The following GPATCH2 variants were observed in gnomAD, a reference collection of about 807,000 sequenced individuals.
The protein encoded by GPATCH2 is G patch domain-containing protein 2.
In GPATCH2, 51 loss-of-function variants were observed where a neutral mutation model predicts 58.0. The ratio of observed to expected loss-of-function variants is 0.88; its 90% CI spans 0.70 to 1.11. The LOEUF is 1.11. Among genes scored for constraint, GPATCH2 ranks in the 50% most tolerant of loss-of-function variants. GPATCH2 has a pLI of 0.00. For missense variants in GPATCH2, 625 were observed against 652.2 expected (o/e 0.96, Z 0.45); for synonymous variants, 222 against 218.5 (o/e 1.02, Z -0.14).
chr1:217,507,103 C>T (rs1662600782), intron 6 of GPATCH2, among the ~76,000 whole-genome samples: 2 of 152,098 alleles, frequency 1.3e-5, no homozygotes, highest in African/African-American at 2.4e-5. Context: ...ACTGTACACC[C>T]GGCACCTAGT....
At chr1:217,578,479 T>C (rs1196713794) in intron 5 of GPATCH2, among the ~76,000 whole-genome samples, 1 of 152,184 alleles carries the variant, frequency 6.6e-6, no homozygotes, top group Non-Finnish European at 1.5e-5. Context: ...CCTGAACTCC[T>C]GGATTCAAGC....
intron 5 of GPATCH2, among the ~76,000 whole-genome samples, chr1:217,596,344 T>G (rs1667827333): frequency 6.6e-6 from 1 of 152,200 alleles, no homozygotes. Context: ...CAAGGAATTC[T>G]GTATAGCTTG....
intron 8 of GPATCH2, among the ~76,000 whole-genome samples, chr1:217,488,055 TA>T (rs575478374): frequency 8.6e-4 from 127 of 147,920 alleles, no homozygotes; most frequent in African/African-American, 1.9e-3. Flanking sequence ...CTGTAACCTT[TA>T]AAAAAAAAAA....
At chr1:217,625,584 A>G (rs1208278808) in intron 1 of GPATCH2, among the ~76,000 whole-genome samples, 2 of 152,200 alleles carry the variant, frequency 1.3e-5, no homozygotes, top group Admixed American at 1.3e-4. Context: ...TAAAGTATAT[A>G]TAGAAAAGTT....
chr1:217,565,016 C>T (rs1395926105), intron 5 of GPATCH2, among the ~76,000 whole-genome samples: 3 of 152,100 alleles, frequency 2.0e-5, no homozygotes, highest in Admixed American at 2.0e-4. Context: ...CAGTGCTGAG[C>T]ACAAAAAACA....
rs1026011741 is a variant in GPATCH2 at position 217,451,352 on chromosome 1, G to C, written c.1278-2015C>G. 5.3e-5 allele frequency among the ~76,000 whole-genome samples: 8 copies of C among 152,190 alleles called. No individual in the cohort carries two copies. The East Asian group carries it at 1.5e-3, about 29-fold the overall frequency. On this transcript the variant is annotated intron_variant, in intron 8 of 9. Coordinates refer to ENST00000366935, the MANE Select transcript of GPATCH2 (RefSeq NM_018040.5). ...ACCTTGTAGCTAACCGAAAGCAATG[G>C]GAAATACTTCTTAACTACAGAAACA...
intron 5 of GPATCH2, among the ~76,000 whole-genome samples, chr1:217,606,541 T>C (rs1044357415): frequency 6.6e-6 from 1 of 152,024 alleles, no homozygotes; most frequent in African/African-American, 2.4e-5. Flanking sequence ...AGGAGTTTGA[T>C]ACCAGCCTGG....
At chr1:217,445,033 G>T (rs572540490) in intron 9 of GPATCH2, among the ~76,000 whole-genome samples, 3 of 151,986 alleles carry the variant, frequency 2.0e-5, no homozygotes, top group Non-Finnish European at 4.4e-5. Flanking sequence ...TCAGTAGGAC[G>T]TGGAGAAAAA....
At chr1:217,458,339 C>T (rs958775981) in intron 8 of GPATCH2, among the ~76,000 whole-genome samples, 2 of 152,196 alleles carry the variant, frequency 1.3e-5, no homozygotes, top group African/African-American at 2.4e-5. Context: ...AAGAAATACA[C>T]GACACCATAT....
At chr1:217,442,604 T>C (rs1659196456) in intron 9 of GPATCH2, among the ~76,000 whole-genome samples, 1 of 151,496 alleles carries the variant, frequency 6.6e-6, no homozygotes, top group South Asian at 2.1e-4. Context: ...GGTAAAAGTA[T>C]AAATCTAAAC....
chr1:217,524,429 C>G (rs1299776190), intron 5 of GPATCH2, among the ~76,000 whole-genome samples: 1 of 151,438 alleles, frequency 6.6e-6, no homozygotes, highest in African/African-American at 2.4e-5. Flanking sequence ...GGCGGCCAGG[C>G]AGAGACGCTC....
intron 1 of GPATCH2, among the ~76,000 whole-genome samples, chr1:217,621,075 C>T (rs574136952): frequency 1.3e-5 from 2 of 152,326 alleles, no homozygotes; most frequent in South Asian, 4.1e-4. Context: ...CAGTGAAGCA[C>T]AAACTACATT....
At chr1:217,473,521 A>C (rs1481290641) in intron 8 of GPATCH2, among the ~76,000 whole-genome samples, 1 of 152,214 alleles carries the variant, frequency 6.6e-6, no homozygotes, top group Non-Finnish European at 1.5e-5. Flanking sequence ...AGGTACATGA[A>C]AATGACAGAA....
intron 5 of GPATCH2, among the ~76,000 whole-genome samples, chr1:217,521,957 GT>G (rs1663484010): frequency 6.6e-6 from 1 of 152,126 alleles, no homozygotes; most frequent in Non-Finnish European, 1.5e-5. Flanking sequence ...ATAGACTTCA[GT>G]TAGTTTCGAA....
At chr1:217,589,441 A>G (rs1667492166) in intron 5 of GPATCH2, among the ~76,000 whole-genome samples, 1 of 152,206 alleles carries the variant, frequency 6.6e-6, no homozygotes, top group African/African-American at 2.4e-5. Flanking sequence ...ATCTCCTAGA[A>G]AAGTAATTCC....
At chr1:217,531,204 T>C (rs1445867192) in intron 5 of GPATCH2, among the ~76,000 whole-genome samples, 1 of 152,224 alleles carries the variant, frequency 6.6e-6, no homozygotes, top group Non-Finnish European at 1.5e-5. Flanking sequence ...ACTTAACAGA[T>C]TATCTGCCTC....
At chr1:217,567,631 T>TAC (rs1666314395) in intron 5 of GPATCH2, among the ~76,000 whole-genome samples, 1 of 152,246 alleles carries the variant, frequency 6.6e-6, no homozygotes. Context: ...TGTCTGATGT[T>TAC]TCTGTAAGAG....
intron 2 of GPATCH2, among the ~76,000 whole-genome samples, chr1:217,619,064 G>A (rs904874325): frequency 1.3e-5 from 2 of 151,838 alleles, no homozygotes; most frequent in African/African-American, 4.8e-5. Flanking sequence ...TTCAGCATTC[G>A]GTTTTGCGGA....
chr1:217,505,534 T>A lies in GPATCH2; in HGVS notation c.1167-7139A>T, dbSNP rs920959886. On this transcript the variant is annotated intron_variant, in intron 6 of 9. Transcript: ENST00000366935. ...TACAGGTAGCAGAAATGTATAGGAT[T>A]TCATGGGAAGTCAATTAATATTATA... 5.9e-5 allele frequency among the ~76,000 whole-genome samples: 9 copies of A among 152,290 alleles called. No homozygotes were observed. In the South Asian group the frequency reaches 1.9e-3, roughly 32 times the overall value.
Sources: gnomAD v4.1 joint callset for allele counts (sites outside exome capture counted in the v4.1 genomes callset) on GRCh38, gnomAD v4.1.1 for gene constraint, MANE v1.5 for transcripts, NCBI Gene and HGNC (gene_info 2026-07-23, HGNC 2026-07-21) for gene names.